The following PPP1R16A variants were observed in gnomAD, a reference collection of about 807,000 sequenced individuals.
PPP1R16A encodes the protein protein phosphatase 1 regulatory subunit 16A, also known as myosin phosphatase-targeting subunit 3.
A neutral mutation model predicts 46.6 loss-of-function variants in PPP1R16A; 39 were observed. That is an observed-to-expected ratio of 0.84 (90% CI 0.65 to 1.09). PPP1R16A has a LOEUF of 1.09. Among genes scored for constraint, PPP1R16A ranks in the 50% least tolerant of loss-of-function variants. The pLI is 0.00. For synonymous variants in PPP1R16A, 413 were observed against 321.5 expected, an observed-to-expected ratio of 1.28 and a Z score of -3.04; for missense variants, 798 against 735.6, an observed-to-expected ratio of 1.08 and a Z score of -0.98.
chr8:144,497,735 G>A (rs1215854668), intron 3 of PPP1R16A: 2 of 561,858 alleles, frequency 3.6e-6, no homozygotes, highest in South Asian at 3.7e-5. Flanking sequence ...GGCCATGAGT[G>A]GACCCCCAGG....
chr8:144,491,032 G>A (rs1031727649), intron 2 of PPP1R16A, among the ~76,000 whole-genome samples: 2 of 152,048 alleles, frequency 1.3e-5, no homozygotes, highest in Middle Eastern at 6.8e-3. Context: ...GCACTCCAGC[G>A]TGGGGACAGA....
intron 3 of PPP1R16A, chr8:144,497,673 G>A (rs775665100): frequency 5.5e-5 from 38 of 695,634 alleles, no homozygotes; most frequent in Non-Finnish European, 8.5e-5. Flanking sequence ...CGGGACAGCC[G>A]TCCTTCAGGC....
At chr8:144,489,758 G>A (rs1328144702) in intron 1 of PPP1R16A, among the ~76,000 whole-genome samples, 1 of 152,194 alleles carries the variant, frequency 6.6e-6, no homozygotes, top group South Asian at 2.1e-4. Context: ...TCCTCCCACT[G>A]TCCCTCCCCA....
In PPP1R16A at chr8:144,500,561, T is replaced by G; in HGVS notation, c.780T>G (p.Ala260=). 6.3e-7 allele frequency: 1 copy of G among 1,597,956 alleles called. No homozygotes were observed. Among genetic ancestry groups the G allele is most frequent in the Non-Finnish European group, 8.5e-7 (1 of 1,179,134 alleles). ...LLLEHRASLS[A]KDQDGWEPLH... is the part of the protein sequence containing the mutation. The stretch of plus-strand genomic sequence containing the variant: ...TGGAACACCGAGCCAGCCTGAGCGC[T>G]AAGGACCAAGACGGCTGGGAGCCGC... The change falls in exon 8 of 12, where the codon GCT becomes GCG. Residue 260 remains alanine, a synonymous_variant. Transcript: ENST00000435887.
chr8:144,494,834 C>T (rs937235586), intron 2 of PPP1R16A, among the ~76,000 whole-genome samples: 1 of 152,172 alleles, frequency 6.6e-6, no homozygotes, highest in Non-Finnish European at 1.5e-5. Flanking sequence ...GGAGGGAGGG[C>T]TCTGGCATGC....
rs117372274 is a variant in PPP1R16A at position 144,481,239 on chromosome 8, C to T, written c.-914+3112C>T. Among the ~76,000 whole-genome samples, 533 of 152,170 alleles carry T rather than the reference C, an allele frequency of 3.5e-3. 1 individual carries two copies. The highest frequency in any genetic ancestry group is 6.3e-3 in the African/African-American group (263 of 41,534). ...TCATAATCCAAATATAAAACATTTC[C>T]GTTGCCCCCAAAAGTTCTCTCGTGC... On this transcript the variant is annotated intron_variant, in intron 1 of 11. Coordinates refer to ENST00000435887, the MANE Select transcript of PPP1R16A (RefSeq NM_001329443.2).
rs761155245 is a variant in PPP1R16A, at chr8:144,500,301, C to T, written c.615C>T (p.Ala205=). 1.3e-6 allele frequency: 2 copies of T among 1,544,034 alleles called. No homozygotes were observed. Among genetic ancestry groups the T allele is most frequent in the Non-Finnish European group, 8.7e-7 (1 of 1,146,994 alleles). ...AGGACAGCATCGAGGCCGCCCGGGCCGTGCCAGAACTGCGCATGCTGGACG... is the reference window on the plus strand; with the variant it reads ...AGGACAGCATCGAGGCCGCCCGGGCTGTGCCAGAACTGCGCATGCTGGACG... ...ITQDSIEAAR[A]VPELRMLDDI... Residue 205 remains alanine (A), a synonymous_variant, in exon 7 of 12, where the codon GCC becomes GCT. Transcript: ENST00000435887.
intron 1 of PPP1R16A, among the ~76,000 whole-genome samples, chr8:144,479,991 C>T (rs574638703): frequency 6.6e-6 from 1 of 152,146 alleles, no homozygotes; most frequent in Non-Finnish European, 1.5e-5. Context: ...CAGGAACTGG[C>T]CAAGTTCTTA....
In PPP1R16A at chr8:144,501,962, C is replaced by A; in HGVS notation, c.*59C>A. On this transcript the variant is annotated 3_prime_UTR_variant, in exon 12 of 12. Transcript: ENST00000435887. Reference sequence around the variant, plus strand: ...GGCACAGCCCAAGGCTGCCTCCCCACGGTGCGTGCCCTGGTGCTGCGGGTG... The same window carrying A: ...GGCACAGCCCAAGGCTGCCTCCCCAAGGTGCGTGCCCTGGTGCTGCGGGTG... 6.9e-7 allele frequency: 1 copy of A among 1,448,204 alleles called. No individual in the cohort carries two copies. The highest frequency in any genetic ancestry group is 9.1e-7 in the Non-Finnish European group (1 of 1,100,212). The allele number at this position is 1,448,204 out of a possible 1,614,324, so 89.7% of individuals were successfully genotyped here.
rs1342696533 is a variant in PPP1R16A at position 144,499,038 on chromosome 8, C to T, written c.453C>T (p.His151=). The change falls in exon 5 of 12, where the codon CAC becomes CAT. Residue 151 remains histidine (H), a synonymous_variant. Transcript: ENST00000435887. ...LHAAATCGHL[H]LVELLIASGA... Reference sequence around the variant, plus strand: ...CTGCGGCCACCTGCGGCCACCTGCACCTGGTGGAGCTGCTCATCGCCAGGT... The same window carrying T: ...CTGCGGCCACCTGCGGCCACCTGCATCTGGTGGAGCTGCTCATCGCCAGGT... 2.5e-6 allele frequency: 4 copies of T among 1,584,992 alleles called. No homozygotes were observed. Among genetic ancestry groups the T allele is most frequent in the African/African-American group, 1.3e-5 (1 of 74,594 alleles).
chr8:144,480,311 C>T (rs1308770680), intron 1 of PPP1R16A, among the ~76,000 whole-genome samples: 2 of 152,094 alleles, frequency 1.3e-5, no homozygotes, highest in Non-Finnish European at 1.5e-5. Flanking sequence ...GACCATGTGG[C>T]TTTCTGTTTT....
chr8:144,500,312 T>C lies in PPP1R16A; in HGVS notation c.626T>C (p.Leu209Pro). The C allele has an allele frequency of 6.5e-7, 1 of 1,541,696 alleles. No homozygotes were observed. The highest frequency in any genetic ancestry group is 8.7e-7 in the Non-Finnish European group (1 of 1,146,766). The change falls in exon 7 of 12, where the codon CTG becomes CCG. Residue 209 changes from leucine to proline, a missense_variant. Leu to Pro is a moderately conservative substitution (Grantham distance 98). Coordinates refer to ENST00000435887, the MANE Select transcript of PPP1R16A (RefSeq NM_001329443.2). Reference sequence around the variant, plus strand: ...GAGGCCGCCCGGGCCGTGCCAGAACTGCGCATGCTGGACGACATCCGGAGC... The same window carrying C: ...GAGGCCGCCCGGGCCGTGCCAGAACCGCGCATGCTGGACGACATCCGGAGC... ...SIEAARAVPE[L>P]RMLDDIRSRL... is the part of the protein sequence containing the mutation.
intron 3 of PPP1R16A, chr8:144,498,043 A>G (rs774467735): frequency 2.2e-6 from 1 of 456,288 alleles, no homozygotes; most frequent in South Asian, 1.5e-5. Flanking sequence ...TCTTGGGGGA[A>G]GAGGCACTGT....
intron 1 of PPP1R16A, among the ~76,000 whole-genome samples, chr8:144,480,912 A>C (rs1417450520): frequency 2.0e-5 from 3 of 149,584 alleles, no homozygotes; most frequent in Non-Finnish European, 4.4e-5. Flanking sequence ...TTTTTGACGG[A>C]GTCTCATGCT....
At chr8:144,492,887 C>T (rs1434646586) in intron 2 of PPP1R16A, among the ~76,000 whole-genome samples, 2 of 152,112 alleles carry the variant, frequency 1.3e-5, no homozygotes, top group Admixed American at 6.6e-5. Context: ...AGAGTGACAC[C>T]GCCCCTCAGG....
intron 1 of PPP1R16A, chr8:144,478,895 G>C (rs1825282901): frequency 1.3e-5 from 2 of 152,402 alleles, no homozygotes; most frequent in Admixed American, 6.5e-5. Flanking sequence ...GCAGAGAGGG[G>C]AGCCGTGTAC....
intron 2 of PPP1R16A, among the ~76,000 whole-genome samples, chr8:144,492,818 T>C (rs1825872104): frequency 6.6e-6 from 1 of 152,142 alleles, no homozygotes; most frequent in South Asian, 2.1e-4. Context: ...TTCCTCTCTT[T>C]TCTTTCTTTG....
At chr8:144,486,792 C>A (rs1332795747) in intron 1 of PPP1R16A, among the ~76,000 whole-genome samples, 4 of 152,170 alleles carry the variant, frequency 2.6e-5, no homozygotes, top group Non-Finnish European at 5.9e-5. Flanking sequence ...TTTACTCACT[C>A]AGTAGCTGTC....
intron 2 of PPP1R16A, among the ~76,000 whole-genome samples, chr8:144,492,890 C>T (rs898107790): frequency 1.3e-5 from 2 of 152,126 alleles, no homozygotes; most frequent in African/African-American, 2.4e-5. Flanking sequence ...GTGACACCGC[C>T]CCTCAGGCTG....
Sources: allele counts gnomAD v4.1 joint callset (sites outside exome capture counted in the v4.1 genomes callset), GRCh38; gene constraint gnomAD v4.1.1; transcripts MANE v1.5; gene names NCBI Gene and HGNC (gene_info 2026-07-23, HGNC 2026-07-21).